Variants in ST6GALNAC3 observed in about 807,000 individuals in gnomAD.
ST6GALNAC3 encodes alpha-N-acetylgalactosaminide alpha-2,6-sialyltransferase 3.
In ST6GALNAC3, 25 loss-of-function variants were observed where a neutral mutation model predicts 32.7. The ratio of observed to expected loss-of-function variants is 0.76; its 90% CI spans 0.56 to 1.07. The LOEUF (loss-of-function observed/expected upper bound fraction) is 1.07. ST6GALNAC3 is among the 50% of genes least tolerant of loss of function. ST6GALNAC3 has a pLI of 0.00. For synonymous variants in ST6GALNAC3, 129 were observed against 133.1 expected (o/e 0.97, Z 0.21); for missense variants, 355 against 382.4 (o/e 0.93, Z 0.60).
At position 76,630,728 on chromosome 1, in the gene ST6GALNAC3, C is replaced by G; in HGVS notation, c.*1922C>G. 1.0e-6 allele frequency: 1 copy of G among 985,644 alleles called. No individual in the cohort carries two copies. 61.1% of individuals were successfully genotyped at this position (985,644 alleles called of 1,614,324 possible). A position where few individuals can be genotyped will look rare whatever the true frequency, so the allele number is the denominator to read the frequency against. On this transcript the variant is annotated 3_prime_UTR_variant, in exon 5 of 5. Transcript: ENST00000328299. ...ACACCTCAATATTCACACCCATAAACATTACTAAGCCCCAGTTCTATCGTT... is the reference window on the plus strand; with the variant it reads ...ACACCTCAATATTCACACCCATAAAGATTACTAAGCCCCAGTTCTATCGTT...
At chr1:76,279,128 G>A (rs558680945) in intron 1 of ST6GALNAC3, among the ~76,000 whole-genome samples, 4 of 152,310 alleles carry the variant, frequency 2.6e-5, no homozygotes, top group Admixed American at 6.5e-5. Flanking sequence ...GAAACAGACA[G>A]CAGACAGCAC....
intron 1 of ST6GALNAC3, among the ~76,000 whole-genome samples, chr1:76,202,429 C>G (rs1654581994): frequency 6.6e-6 from 1 of 152,076 alleles, no homozygotes; most frequent in South Asian, 2.1e-4. Context: ...GTGTGTGAAG[C>G]CCTAAGCTTT....
rs1449605682 is a variant in ST6GALNAC3 at position 76,411,668 on chromosome 1, C to T, written c.214-340C>T. ...CCTTATTACAAAGATCAAATCTTTT[C>T]GTATTTTCTTATTTCACCTGAAATT... On this transcript the variant is annotated intron_variant, in intron 2 of 4. Coordinates refer to ENST00000328299, the MANE Select transcript of ST6GALNAC3 (RefSeq NM_152996.4). Among the ~76,000 whole-genome samples the T allele has an allele frequency of 2.6e-5, 4 of 151,990 alleles. No homozygotes were observed. The East Asian group carries it at 5.8e-4, about 22-fold the overall frequency.
intron 2 of ST6GALNAC3, among the ~76,000 whole-genome samples, chr1:76,376,455 A>C (rs893647049): frequency 6.6e-6 from 1 of 152,132 alleles, no homozygotes; most frequent in Admixed American, 6.5e-5. Context: ...GGCCACAGAC[A>C]GCTCCCTCCT....
intron 3 of ST6GALNAC3, among the ~76,000 whole-genome samples, chr1:76,494,430 T>C (rs1451992537): frequency 1.1e-4 from 1 of 8,996 alleles, no homozygotes; most frequent in Non-Finnish European, 2.1e-4. Flanking sequence ...TGTGCATGTG[T>C]ATATATATAT....
chr1:76,367,326 A>G (rs7541592), intron 2 of ST6GALNAC3, among the ~76,000 whole-genome samples: 7,560 of 152,222 alleles, frequency 0.05, 226 homozygotes, highest in Admixed American at 0.084. Context: ...TTTGCCCTCA[A>G]GGATCTTACA....
intron 1 of ST6GALNAC3, among the ~76,000 whole-genome samples, chr1:76,189,571 C>T (rs1473111503): frequency 7.5e-6 from 1 of 133,430 alleles, no homozygotes; most frequent in East Asian, 2.9e-4. Context: ...AGTAGAATGA[C>T]TAATAAGAGA....
At chr1:76,505,033 C>A (rs552642237) in intron 3 of ST6GALNAC3, among the ~76,000 whole-genome samples, 4 of 152,118 alleles carry the variant, frequency 2.6e-5, no homozygotes, top group African/African-American at 9.6e-5. Flanking sequence ...AAACAGAAAA[C>A]AATTCTCTAT....
intron 3 of ST6GALNAC3, among the ~76,000 whole-genome samples, chr1:76,440,420 G>T (rs1160073160): frequency 6.6e-6 from 1 of 152,212 alleles, no homozygotes; most frequent in South Asian, 2.1e-4. Flanking sequence ...AACAGCCCAA[G>T]TTGGAGATGA....
chr1:76,362,465 T>A (rs1347531510), intron 2 of ST6GALNAC3, among the ~76,000 whole-genome samples: 1 of 152,046 alleles, frequency 6.6e-6, no homozygotes, highest in African/African-American at 2.4e-5. Flanking sequence ...GTCTCAACAG[T>A]CCCCCAAAGT....
intron 3 of ST6GALNAC3, among the ~76,000 whole-genome samples, chr1:76,544,011 G>C (rs1664144417): frequency 6.6e-6 from 1 of 151,676 alleles, no homozygotes; most frequent in African/African-American, 2.4e-5. Flanking sequence ...ATCAAAGCTA[G>C]ATATAGCCCA....
intron 1 of ST6GALNAC3, among the ~76,000 whole-genome samples, chr1:76,154,501 C>G (rs201368342): frequency 6.6e-6 from 1 of 152,190 alleles, no homozygotes; most frequent in Non-Finnish European, 1.5e-5. Context: ...ACGCCTGTTG[C>G]AAATGAAGCA....
At chr1:76,511,397 C>T (rs1661851187) in intron 3 of ST6GALNAC3, among the ~76,000 whole-genome samples, 1 of 152,136 alleles carries the variant, frequency 6.6e-6, no homozygotes. Flanking sequence ...CTGTTTCAGG[C>T]CCATGGACCT....
At chr1:76,490,241 A>G (rs952939279) in intron 3 of ST6GALNAC3, among the ~76,000 whole-genome samples, 1 of 151,982 alleles carries the variant, frequency 6.6e-6, no homozygotes, top group African/African-American at 2.4e-5. Flanking sequence ...GAGTTTTCTG[A>G]TGAGATTCCT....
chr1:76,271,638 G>T (rs1658849960), intron 1 of ST6GALNAC3, among the ~76,000 whole-genome samples: 1 of 152,214 alleles, frequency 6.6e-6, no homozygotes, highest in African/African-American at 2.4e-5. Context: ...AGGGATTGCT[G>T]TTTAAACCAG....
intron 3 of ST6GALNAC3, among the ~76,000 whole-genome samples, chr1:76,419,364 C>G (rs2101361279): frequency 6.6e-6 from 1 of 152,214 alleles, no homozygotes; most frequent in South Asian, 2.1e-4. Flanking sequence ...TTTAAACCCC[C>G]AAAGGGTGTG....
At chr1:76,236,028 T>G (rs1055024946) in intron 1 of ST6GALNAC3, among the ~76,000 whole-genome samples, 1 of 151,946 alleles carries the variant, frequency 6.6e-6, no homozygotes, top group Admixed American at 6.6e-5. Flanking sequence ...CAGGCTGGAG[T>G]GCAAGGATGT....
chr1:76,574,307 T>G (rs1400962311), intron 3 of ST6GALNAC3, among the ~76,000 whole-genome samples: 1 of 152,102 alleles, frequency 6.6e-6, no homozygotes, highest in Non-Finnish European at 1.5e-5. Context: ...TCTAGATATT[T>G]TATAGCCTTT....
chr1:76,523,733 G>C (rs1662694956), intron 3 of ST6GALNAC3, among the ~76,000 whole-genome samples: 1 of 152,106 alleles, frequency 6.6e-6, no homozygotes, highest in Admixed American at 6.6e-5. Context: ...AGGGTTTGTA[G>C]CTTAGCTCTT....
Sources: gnomAD v4.1 joint callset for allele counts (sites outside exome capture counted in the v4.1 genomes callset) on GRCh38, gnomAD v4.1.1 for gene constraint, MANE v1.5 for transcripts, NCBI Gene and HGNC (gene_info 2026-07-23, HGNC 2026-07-21) for gene names.